Variants in REEP2 observed in about 807,000 individuals in gnomAD.
REEP2 encodes receptor expression-enhancing protein 2.
In REEP2, 9 loss-of-function variants were observed where a neutral mutation model predicts 32.1. The observed-to-expected ratio is 0.28, with a 90% CI of 0.17 to 0.49. The LOEUF (loss-of-function observed/expected upper bound fraction) is 0.49. Among genes scored for constraint, REEP2 ranks in the 20% least tolerant of loss-of-function variants. The pLI is 0.99. For synonymous variants in REEP2, 128 were observed against 139.1 expected, an observed-to-expected ratio of 0.92 and a Z score of 0.56; for missense variants, 236 against 338.0, an observed-to-expected ratio of 0.70 and a Z score of 2.37.
chr5:138,442,478 C>T (rs1763842983), intron 3 of REEP2, among the ~76,000 whole-genome samples: 1 of 151,640 alleles, frequency 6.6e-6, no homozygotes, highest in African/African-American at 2.4e-5. Flanking sequence ...TTTGGGAGGC[C>T]AAGGCAGGCA....
At chr5:138,444,307 A>G in intron 3 of REEP2, 108 bp from the exon 4 acceptor site, 1 of 1,367,746 alleles carries the variant, frequency 7.3e-7, no homozygotes, top group Admixed American at 1.9e-5. Context: ...ACCCCAGTGC[A>G]CTAAGAGTGA....
chr5:138,439,256 G>C lies in REEP2; in HGVS notation c.32+16G>C. The stretch of plus-strand genomic sequence containing the variant: ...GCCTGGTGGTGTGAGTGCGGCGGCG[G>C]CGGGGGGTGATGCGGGCTGTGATGG... On this transcript the variant is annotated intron_variant, in intron 1 of 7. Coordinates refer to ENST00000378339, the MANE Select transcript of REEP2 (RefSeq NM_001271803.2). The C allele has an allele frequency of 7.0e-7, 1 of 1,422,166 alleles. No individual in the cohort carries two copies. Among genetic ancestry groups the C allele is most frequent in the Non-Finnish European group, 9.2e-7 (1 of 1,089,028 alleles). The allele number at this position is 1,422,166 out of a possible 1,614,324, so 88.1% of individuals were successfully genotyped here. A position where few individuals can be genotyped will look rare whatever the true frequency, so the allele number is the denominator to read the frequency against.
intron 1 of REEP2, chr5:138,439,789 T>A (rs1204630259): frequency 8.8e-6 from 4 of 455,774 alleles, no homozygotes; most frequent in Non-Finnish European, 1.8e-5. Context: ...AGTCTGGGTA[T>A]CGGGAAGCAG....
chr5:138,445,829 G>A lies in REEP2; in HGVS notation c.*78G>A. 1 of 1,402,560 alleles carries A rather than the reference G, an allele frequency of 7.1e-7. No individual in the cohort carries two copies. The highest frequency in any genetic ancestry group is 9.7e-7 in the Non-Finnish European group (1 of 1,026,300). The allele number at this position is 1,402,560 out of a possible 1,614,324, so 86.9% of individuals were successfully genotyped here. A position where few individuals can be genotyped will look rare whatever the true frequency, so the allele number is the denominator to read the frequency against. Reference sequence around the variant, plus strand: ...TCAGACCCAGCCCCTGCTCCACACTGTGCCAGTAGCCTAGGTGTCTCAGGC... The same window carrying A: ...TCAGACCCAGCCCCTGCTCCACACTATGCCAGTAGCCTAGGTGTCTCAGGC... On this transcript the variant is annotated 3_prime_UTR_variant, in exon 8 of 8. Transcript: ENST00000378339.
intron 1 of REEP2, chr5:138,439,544 G>T: frequency 3.9e-6 from 2 of 510,222 alleles, no homozygotes; most frequent in Non-Finnish European, 7.3e-6. Context: ...GATTTAAAAG[G>T]GGAGGCAGGC....
rs532846050 is a variant in REEP2, at chr5:138,441,881, C to T, written c.182+420C>T. Among the ~76,000 whole-genome samples, 5 of 152,100 alleles carry T rather than the reference C, an allele frequency of 3.3e-5. No homozygotes were observed. The highest frequency in any genetic ancestry group is 6.5e-5 in the Admixed American group (1 of 15,272). On this transcript the variant is annotated intron_variant, in intron 3 of 7. Coordinates refer to ENST00000378339, the MANE Select transcript of REEP2 (RefSeq NM_001271803.2). The surrounding 1 kb of genome is among the most constrained non-coding windows in gnomAD (Gnocchi z 4.4). ...GGTAGAGGTTGCAGTGAGCCGAGAT[C>T]GCGCCATTGCACTCCAGCCTGGGCA...
chr5:138,444,364 G>A (rs765008113), intron 3 of REEP2, 51 bp from the exon 4 acceptor site: 1 of 1,592,712 alleles, frequency 6.3e-7, no homozygotes, highest in Admixed American at 1.7e-5. Flanking sequence ...TGGACACAGG[G>A]CACCTCCCAA....
In REEP2 at chr5:138,445,748, T is replaced by G; in HGVS notation, c.762T>G (p.Ala254=). ...AGACCTCTGGCGGGGGCGACTCAGC[T>G]TGAGCCCCTCCACCCCCGCAGGCTG... ...KKKTSGGGDS[A] The change falls in exon 8 of 8, where the codon GCT becomes GCG. Residue 254 remains alanine, a synonymous_variant. Transcript: ENST00000378339. 6.2e-7 allele frequency: 1 copy of G among 1,613,764 alleles called. No individual in the cohort carries two copies. Among genetic ancestry groups the G allele is most frequent in the African/African-American group, 1.3e-5 (1 of 74,998 alleles).
chr5:138,443,229 G>C (rs900585478), intron 3 of REEP2, among the ~76,000 whole-genome samples: 2 of 151,972 alleles, frequency 1.3e-5, no homozygotes, highest in African/African-American at 2.4e-5. Flanking sequence ...GGAGGCCAAG[G>C]GGGGGCAGAT....
In REEP2 at chr5:138,446,083, A is replaced by C; in HGVS notation, c.*332A>C. On this transcript the variant is annotated 3_prime_UTR_variant, in exon 8 of 8. Coordinates refer to ENST00000378339, the MANE Select transcript of REEP2 (RefSeq NM_001271803.2). ...CAGTGCCTTGCTGAAGCCCATAGCA[A>C]TCCGCTTCTCAGAGGTCCTGTCGTG... is the stretch of plus-strand genomic sequence containing the variant. The C allele has an allele frequency of 3.1e-6, 1 of 321,914 alleles. No individual in the cohort carries two copies. Among genetic ancestry groups the C allele is most frequent in the Non-Finnish European group, 5.8e-6 (1 of 173,896 alleles). 19.9% of individuals were successfully genotyped at this position (321,914 alleles called of 1,614,324 possible).
chr5:138,439,335 G>A, intron 1 of REEP2, 95 bp downstream of exon 1: 3 of 1,253,960 alleles, frequency 2.4e-6, no homozygotes, highest in East Asian at 2.6e-5. Context: ...GTGCAGCAGA[G>A]TCACCTAAAG....
At chr5:138,444,328 A>AG in intron 3 of REEP2, 87 bp from the exon 4 acceptor site, 2 of 1,502,124 alleles carry the variant, frequency 1.3e-6, no homozygotes, top group Non-Finnish European at 1.8e-6. Flanking sequence ...GGGGCTGTGC[A>AG]GGGTCACACA....
At chr5:138,442,629 G>A (rs954990512) in intron 3 of REEP2, among the ~76,000 whole-genome samples, 5 of 152,162 alleles carry the variant, frequency 3.3e-5, no homozygotes, top group Non-Finnish European at 7.3e-5. Context: ...GCCGAGGTGG[G>A]CGGATCATGA....
rs1166850928 is a variant in REEP2, at chr5:138,446,844, G to A, written c.*1093G>A. 1 of 152,376 alleles carries A rather than the reference G, an allele frequency of 6.6e-6. No homozygotes were observed. The highest frequency in any genetic ancestry group is 1.5e-5 in the Non-Finnish European group (1 of 68,148). 9.4% of individuals were successfully genotyped at this position (152,376 alleles called of 1,614,324 possible). A position where few individuals can be genotyped will look rare whatever the true frequency, so the allele number is the denominator to read the frequency against. ...TCTGCCACGGCTTCAGTCAGGGCCA[G>A]GAGGAACACGTGAAGGAGAAAGAGA... On this transcript the variant is annotated 3_prime_UTR_variant, in exon 8 of 8. Coordinates refer to ENST00000378339, the MANE Select transcript of REEP2 (RefSeq NM_001271803.2).
At chr5:138,440,906 G>A (rs557528298) in intron 1 of REEP2, 110 bp from the exon 2 acceptor site, 147 of 1,578,042 alleles carry the variant, frequency 9.3e-5, no homozygotes, top group Non-Finnish European at 1.1e-4. Flanking sequence ...TCAGTCCAGC[G>A]GGGAGTTCTG....
At position 138,441,505 on chromosome 5, in the gene REEP2, C is replaced by T; in HGVS notation, c.182+44C>T. ...TCCTGTATCTCAGGGCCCAGGGCCT[C>T]TGCCTTTCTCTACCCAGCCAGCCAA... On this transcript the variant is annotated intron_variant, in intron 3 of 7. Coordinates refer to ENST00000378339, the MANE Select transcript of REEP2 (RefSeq NM_001271803.2). This position sits in a 1 kb window ranked among gnomAD's most constrained non-coding sequence, Gnocchi z 4.4. 6.5e-7 allele frequency: 1 copy of T among 1,535,512 alleles called. No homozygotes were observed. The highest frequency in any genetic ancestry group is 9.0e-7 in the Non-Finnish European group (1 of 1,108,590).
Position 138,441,396 on chromosome 5 carries a change from G to A in REEP2, c.117G>A (p.Met39Ile). The A allele has an allele frequency of 6.2e-7, 1 of 1,614,152 alleles. No homozygotes were observed. The highest frequency in any genetic ancestry group is 8.5e-7 in the Non-Finnish European group (1 of 1,179,990). Residue 39 changes from methionine to isoleucine, a missense_variant, in exon 3 of 8, where the codon ATG becomes ATA. Coordinates refer to ENST00000378339, the MANE Select transcript of REEP2 (RefSeq NM_001271803.2). The surrounding 1 kb of genome is among the most constrained non-coding windows in gnomAD (Gnocchi z 4.4). ...TKNVKEYVKW[M>I]MYWIVFAFFT... ...CCTCTGTCCCTCAGGTGAAATGGAT[G>A]ATGTACTGGATCGTCTTTGCCTTCT...
In REEP2 at chr5:138,445,215, G is replaced by A. The variant is rs201016529; in HGVS notation, c.418-13G>A. 53 of 1,585,694 alleles carry A rather than the reference G, an allele frequency of 3.3e-5. No homozygotes were observed. The African/African-American group carries it at 5.7e-4, about 17-fold the overall frequency. On this transcript the variant is annotated splice_polypyrimidine_tract_variant and intron_variant, in intron 5 of 7. Coordinates refer to ENST00000378339, the MANE Select transcript of REEP2 (RefSeq NM_001271803.2). ...TTCCCCCCGGCTCTCCCGGTGCGTG[G>A]TGGTGACCCTAGGGCCAGGGGGTGC...
chr5:138,445,441 C>A, intron 6 of REEP2, 27 bp from the exon 7 acceptor site: 1 of 1,613,940 alleles, frequency 6.2e-7, no homozygotes, highest in East Asian at 2.2e-5. Flanking sequence ...GAAAGATTCC[C>A]CCACCTCCTT....
Sources: allele counts gnomAD v4.1 joint callset (sites outside exome capture counted in the v4.1 genomes callset), GRCh38; gene constraint gnomAD v4.1.1; non-coding constraint Gnocchi (gnomAD v3.1); transcripts MANE v1.5; gene names NCBI Gene and HGNC (gene_info 2026-07-23, HGNC 2026-07-21).